Variants in MED16 observed in about 807,000 individuals in gnomAD.
The protein encoded by MED16 is mediator complex subunit 16.
In MED16, 81 loss-of-function variants were observed where a neutral mutation model predicts 84.4. That is an observed-to-expected ratio of 0.96 (90% CI 0.80 to 1.15). The LOEUF (loss-of-function observed/expected upper bound fraction) is 1.15, where lower values mean the gene tolerates loss of function less well. MED16 is among the 50% of genes most tolerant of loss of function. The pLI is 0.00. For missense variants in MED16, 1,585 were observed against 1,245.9 expected, an observed-to-expected ratio of 1.27 and a Z score of -4.10; for synonymous variants, 897 against 552.2, an observed-to-expected ratio of 1.62 and a Z score of -8.76.
intron 1 of MED16, 25 bp from the exon 2 acceptor site, chr19:891,174 C>T (rs778110546): frequency 1.4e-5 from 22 of 1,584,052 alleles, no homozygotes; most frequent in African/African-American, 8.1e-5. Flanking sequence ...TGTGGTGGGA[C>T]GTCTATGTTG....
chr19:885,786 C>T lies in MED16; in HGVS notation c.863G>A (p.Arg288Gln), dbSNP rs1300257499. 3 of 1,609,924 alleles carry T rather than the reference C, an allele frequency of 1.9e-6. No individual in the cohort carries two copies. Among genetic ancestry groups the T allele is most frequent in the Non-Finnish European group, 2.5e-6 (3 of 1,179,720 alleles). The change falls in exon 5 of 16, where the codon CGG (arginine) becomes CAG (glutamine). Residue 288 changes from arginine to glutamine, a missense_variant. Coordinates refer to ENST00000325464, the MANE Select transcript of MED16 (RefSeq NM_005481.3). ...PAITHLKFLARDMSEQVLLCA... is the reference protein window; with the variant it reads ...PAITHLKFLAQDMSEQVLLCA... Reference sequence around the variant, plus strand: ...CCCGTTCACCTGCTCCGACATGTCCCGGGCCAGGAACTTGAGGTGGGTGAT... The same window carrying T: ...CCCGTTCACCTGCTCCGACATGTCCTGGGCCAGGAACTTGAGGTGGGTGAT...
intron 8 of MED16, among the ~76,000 whole-genome samples, chr19:877,718 T>G (rs371939662): frequency 8.1e-5 from 3 of 37,138 alleles, no homozygotes; most frequent in Non-Finnish European, 1.1e-4. Flanking sequence ...CACCAGCCCC[T>G]GCCCCACGTG....
intron 13 of MED16, among the ~76,000 whole-genome samples, chr19:870,106 G>C (rs1049267101): frequency 6.6e-6 from 1 of 152,226 alleles, no homozygotes; most frequent in African/African-American, 2.4e-5. Context: ...AGATCCTCCT[G>C]ATGAGGTGTC....
chr19:871,479 C>T, intron 12 of MED16: 2 of 1,443,610 alleles, frequency 1.4e-6, no homozygotes, highest in Non-Finnish European at 9.3e-7. Flanking sequence ...TGTCATGAGA[C>T]TCCCTCATTC....
At chr19:885,187 C>T (rs1402127413) in intron 5 of MED16, among the ~76,000 whole-genome samples, 179 bp from the exon 6 acceptor site, 7 of 152,200 alleles carry the variant, frequency 4.6e-5, no homozygotes, top group Non-Finnish European at 1.0e-4. Flanking sequence ...CCAACATCCA[C>T]TCACAGGAAC....
In MED16 at chr19:886,080, A is replaced by G; in HGVS notation, c.569T>C (p.Val190Ala). 1 of 1,594,596 alleles carries G rather than the reference A, an allele frequency of 6.3e-7. No individual in the cohort carries two copies. ...CTGCCCGCTGGGCTTCAGCAGGGAC[A>G]CGGTGACCAGGCCGCTGACCGTCAC... ...IAVTVSGLVT[V>A]SLLKPSGQVL... Residue 190 changes from valine to alanine, a missense_variant, in exon 5 of 16, where the codon GTG (valine) becomes GCG (alanine). Coordinates refer to ENST00000325464, the MANE Select transcript of MED16 (RefSeq NM_005481.3).
chr19:871,356 G>C, intron 12 of MED16, 103 bp from the exon 13 acceptor site: 1 of 1,370,002 alleles, frequency 7.3e-7, no homozygotes, highest in Non-Finnish European at 9.8e-7. Flanking sequence ...ACCAGGTCAG[G>C]GCCCCAGCTC....
At chr19:879,818 A>G in intron 8 of MED16, 119 bp downstream of exon 8, 1 of 1,159,542 alleles carries the variant, frequency 8.6e-7, no homozygotes, top group East Asian at 2.5e-5. Context: ...AATCCCCACC[A>G]GGGCCAGCCC....
chr19:888,765 G>A lies in MED16; in HGVS notation c.447+873C>T, dbSNP rs534495193. Among the ~76,000 whole-genome samples, 25 of 152,288 alleles carry A rather than the reference G, an allele frequency of 1.6e-4. No homozygotes were observed. In the East Asian group the frequency reaches 4.4e-3, roughly 27 times the overall value. ...CCCCGTGGCACGAAGCCGGTGCTGCGTGTACTGCGGCAATGCGCCGACAAT... is the reference window on the plus strand; with the variant it reads ...CCCCGTGGCACGAAGCCGGTGCTGCATGTACTGCGGCAATGCGCCGACAAT... On this transcript the variant is annotated intron_variant, in intron 4 of 15. Coordinates refer to ENST00000325464, the MANE Select transcript of MED16 (RefSeq NM_005481.3).
chr19:877,166 G>T lies in MED16; in HGVS notation c.1368C>A (p.Arg456=), dbSNP rs368737553. 3.1e-6 allele frequency: 5 copies of T among 1,609,764 alleles called. No individual in the cohort carries two copies. In the African/African-American group the frequency reaches 6.7e-5, roughly 21 times the overall value. Residue 456 remains arginine, a synonymous_variant, in exon 9 of 16, where the codon CGC becomes CGA. Coordinates refer to ENST00000325464, the MANE Select transcript of MED16 (RefSeq NM_005481.3). ...IDSHGKLSVL[R]LSPSMGHPLE... ...GCGGGTGGCCCATGGAAGGTGAGAGGCGGAGCACGCTCAGCTGCCAGAGAC... is the reference window on the plus strand; with the variant it reads ...GCGGGTGGCCCATGGAAGGTGAGAGTCGGAGCACGCTCAGCTGCCAGAGAC...
chr19:880,441 A>AG (rs1007981635), intron 7 of MED16, among the ~76,000 whole-genome samples: 4 of 151,838 alleles, frequency 2.6e-5, no homozygotes, highest in South Asian at 4.1e-4. Flanking sequence ...AGCGCAGGGG[A>AG]GGGGGGCACT....
At chr19:873,914 C>CT (rs953167827) in intron 10 of MED16, among the ~76,000 whole-genome samples, 2 of 152,156 alleles carry the variant, frequency 1.3e-5, no homozygotes, top group Non-Finnish European at 2.9e-5. Flanking sequence ...GAGGTGAACT[C>CT]TGTGAACACA....
At chr19:882,371 G>A (rs918757033) in intron 6 of MED16, among the ~76,000 whole-genome samples, 2 of 147,184 alleles carry the variant, frequency 1.4e-5, no homozygotes, top group South Asian at 2.1e-4. Flanking sequence ...AACATTAGCT[G>A]TGTGTGGTGG....
chr19:890,373 C>T (rs963917435), intron 2 of MED16, 129 bp from the exon 3 acceptor site: 8 of 616,466 alleles, frequency 1.3e-5, no homozygotes, highest in Non-Finnish European at 1.9e-5. Flanking sequence ...TGCTGTCAGC[C>T]GAGTCGACAG....
In MED16 at chr19:873,447, A is replaced by G; in HGVS notation, c.1905+2T>C. 6.2e-7 allele frequency: 1 copy of G among 1,607,060 alleles called. No individual in the cohort carries two copies. The highest frequency in any genetic ancestry group is 8.5e-7 in the Non-Finnish European group (1 of 1,179,466). On this transcript the variant is annotated splice_donor_variant, in intron 11 of 15. Transcript: ENST00000325464. LOFTEE classifies it high-confidence loss of function. Reference sequence around the variant, plus strand: ...GGGGCCTTAGGGGAGAGCATGGCGCACCTGGTTGGGTAGGCTGGCCAGCAG... The same window carrying G: ...GGGGCCTTAGGGGAGAGCATGGCGCGCCTGGTTGGGTAGGCTGGCCAGCAG...
chr19:889,680 G>C lies in MED16; in HGVS notation c.405C>G (p.Ser135=). The C allele has an allele frequency of 4.3e-6, 7 of 1,613,948 alleles. No homozygotes were observed. Among genetic ancestry groups the C allele is most frequent in the Non-Finnish European group, 5.9e-6 (7 of 1,179,980 alleles). The part of the protein sequence containing the change: ...LVEGDPIVAL[S]WLHNGVKLAL... ...CCAGTTTCACACCATTGTGCAGCCA[G>C]GACAGGGCCACAATGGGGTCCCCCT... The change falls in exon 4 of 16, where the codon TCC becomes TCG. Residue 135 remains serine (S), a synonymous_variant. Coordinates refer to ENST00000325464, the MANE Select transcript of MED16 (RefSeq NM_005481.3).
intron 6 of MED16, among the ~76,000 whole-genome samples, chr19:884,428 T>C (rs1015387939): frequency 6.7e-6 from 1 of 149,884 alleles, no homozygotes; most frequent in African/African-American, 2.5e-5. Context: ...TGGGGTGGGG[T>C]GGGGGGCGTG....
chr19:890,804 C>T (rs1341904356), intron 2 of MED16, among the ~76,000 whole-genome samples, 159 bp downstream of exon 2: 1 of 152,214 alleles, frequency 6.6e-6, no homozygotes, highest in Non-Finnish European at 1.5e-5. Context: ...TCTGTACCCC[C>T]AGGAGGCTGA....
intron 7 of MED16, 67 bp downstream of exon 7, chr19:881,492 G>A (rs2036422011): frequency 1.3e-6 from 2 of 1,540,320 alleles, no homozygotes; most frequent in South Asian, 1.2e-5. Flanking sequence ...CCCGTGGCCT[G>A]TGCTCAGGGC....
Sources: allele counts gnomAD v4.1 joint callset (sites outside exome capture counted in the v4.1 genomes callset), GRCh38; gene constraint gnomAD v4.1.1; transcripts MANE v1.5; gene names NCBI Gene and HGNC (gene_info 2026-07-23, HGNC 2026-07-21).